Variants in DCC observed in about 807,000 individuals in gnomAD.
The protein encoded by DCC is DCC netrin 1 receptor.
Under a neutral mutation model 172.5 loss-of-function variants are expected in DCC, and 58 were observed. The observed-to-expected ratio is 0.34, with a 90% CI of 0.27 to 0.42. The LOEUF (loss-of-function observed/expected upper bound fraction) is 0.42, where lower values mean the gene tolerates loss of function less well. Among genes scored for constraint, DCC ranks in the 10% least tolerant of loss-of-function variants. The pLI, the probability that DCC is intolerant of heterozygous loss-of-function variation, is 1.00. For missense variants in DCC, 1,740 were observed against 1,791.0 expected, an observed-to-expected ratio of 0.97 and a Z score of 0.51; for synonymous variants, 709 against 644.5, an observed-to-expected ratio of 1.10 and a Z score of -1.52.
intron 12 of DCC, among the ~76,000 whole-genome samples, chr18:53,300,981 C>CTTTCTTTCTTTCTTTCTTTA (rs1555649230): frequency 7.0e-6 from 1 of 143,190 alleles, no homozygotes; most frequent in Non-Finnish European, 1.5e-5. Flanking sequence ...TTCTTTCTTT[C>CTTTCTTTCTTTCTTTCTTTA]TTTCTTTCTT....
intron 1 of DCC, among the ~76,000 whole-genome samples, chr18:52,457,919 A>G (rs1046995820): frequency 2.0e-4 from 31 of 151,266 alleles, no homozygotes; most frequent in African/African-American, 4.3e-4. Context: ...AAGCAAACAA[A>G]CAAACAAACA....
intron 17 of DCC, among the ~76,000 whole-genome samples, chr18:53,393,868 A>AC (rs1908734945): frequency 6.7e-6 from 1 of 148,588 alleles, no homozygotes; most frequent in Non-Finnish European, 1.5e-5. Flanking sequence ...ATCCTCCCTG[A>AC]CAGAAGGCTT....
At position 52,551,727 on chromosome 18, in the gene DCC, T is replaced by TACACAC. The variant is rs74178673; in HGVS notation, c.92-200290_92-200285dup. On this transcript the variant is annotated intron_variant, in intron 1 of 28. Transcript: ENST00000442544. ...CCCTTTATCACCCCTTACTCTCCTC[T>TACACAC]ACACACACACACACACACACACACA... is the stretch of plus-strand genomic sequence containing the variant. Among the ~76,000 whole-genome samples, 133 of 126,342 alleles carry TACACAC rather than the reference T, an allele frequency of 1.1e-3. 1 individual carries two copies. The highest frequency in any genetic ancestry group is 4.0e-3 in the Middle Eastern group (1 of 248). The allele number at this position is 126,342 out of a possible 152,430, so 82.9% of individuals were successfully genotyped here.
At chr18:52,903,535 T>A (rs1321690896) in intron 2 of DCC, among the ~76,000 whole-genome samples, 1 of 152,240 alleles carries the variant, frequency 6.6e-6, no homozygotes, top group Non-Finnish European at 1.5e-5. Context: ...TTATCCAATG[T>A]GTATGACTTC....
At chr18:53,010,147 C>T (rs2143874906) in intron 5 of DCC, among the ~76,000 whole-genome samples, 1 of 151,988 alleles carries the variant, frequency 6.6e-6, no homozygotes, top group African/African-American at 2.4e-5. Context: ...TTATTTCATG[C>T]CATGATCTGT....
intron 12 of DCC, among the ~76,000 whole-genome samples, chr18:53,261,305 G>T (rs1392150498): frequency 6.6e-6 from 1 of 152,196 alleles, no homozygotes; most frequent in African/African-American, 2.4e-5. Flanking sequence ...CACACTGGGA[G>T]CTGTAGACTG....
chr18:52,692,249 A>T (rs1389841898), intron 1 of DCC, among the ~76,000 whole-genome samples: 4 of 152,168 alleles, frequency 2.6e-5, no homozygotes, highest in African/African-American at 9.6e-5. Flanking sequence ...AAATGGAAAC[A>T]AAAGGATCTT....
At chr18:52,371,701 A>T (rs1448936293) in intron 1 of DCC, among the ~76,000 whole-genome samples, 1 of 152,208 alleles carries the variant, frequency 6.6e-6, no homozygotes, top group African/African-American at 2.4e-5. Context: ...ATCATGAAAA[A>T]ATAGAATTGG....
At chr18:52,836,588 A>G (rs2038708973) in intron 2 of DCC, among the ~76,000 whole-genome samples, 1 of 152,204 alleles carries the variant, frequency 6.6e-6, no homozygotes, top group East Asian at 1.9e-4. Context: ...TTCCAGAATG[A>G]TCTCCTTTGA....
chr18:53,189,478 C>T (rs1296326775), intron 9 of DCC, among the ~76,000 whole-genome samples: 1 of 151,486 alleles, frequency 6.6e-6, no homozygotes, highest in Non-Finnish European at 1.5e-5. Flanking sequence ...GTACATATAG[C>T]ATATATGTAT....
intron 1 of DCC, among the ~76,000 whole-genome samples, chr18:52,549,036 T>G (rs570977009): frequency 1.1e-4 from 16 of 152,130 alleles, no homozygotes; most frequent in South Asian, 2.1e-4. Flanking sequence ...TACTGAAAAG[T>G]GATTAGAGGA....
chr18:52,791,863 T>C (rs2037777707), intron 2 of DCC, among the ~76,000 whole-genome samples: 1 of 152,120 alleles, frequency 6.6e-6, no homozygotes, highest in Non-Finnish European at 1.5e-5. Flanking sequence ...CTATTCTAAA[T>C]GGAAGCAGAA....
chr18:52,841,531 C>T (rs995992723), intron 2 of DCC, among the ~76,000 whole-genome samples: 1 of 152,082 alleles, frequency 6.6e-6, no homozygotes, highest in African/African-American at 2.4e-5. Context: ...AAAGGAATTG[C>T]CATCTGCTGA....
At chr18:53,178,145 A>C (rs1242601067) in intron 8 of DCC, among the ~76,000 whole-genome samples, 3 of 152,186 alleles carry the variant, frequency 2.0e-5, no homozygotes, top group South Asian at 4.1e-4. Context: ...GAGGATATCT[A>C]GAATGTTCAG....
intron 27 of DCC, among the ~76,000 whole-genome samples, chr18:53,519,283 A>G (rs574744243): frequency 5.5e-4 from 84 of 152,138 alleles, no homozygotes; most frequent in Non-Finnish European, 9.9e-4. Context: ...CTTCCTCAGT[A>G]TCTGGAATAT....
chr18:53,065,545 T>C (rs1000481596), intron 6 of DCC, among the ~76,000 whole-genome samples: 1 of 152,164 alleles, frequency 6.6e-6, no homozygotes, highest in Admixed American at 6.6e-5. Context: ...ATCACAATAT[T>C]TAAAGAATTT....
chr18:53,247,453 A>G (rs745744901), intron 12 of DCC, among the ~76,000 whole-genome samples: 16 of 152,064 alleles, frequency 1.1e-4, no homozygotes, highest in Non-Finnish European at 1.8e-4. Context: ...ACAAACCGAC[A>G]TTAAACTCCT....
At chr18:53,196,651 T>C (rs1191899990) in intron 9 of DCC, among the ~76,000 whole-genome samples, 1 of 152,292 alleles carries the variant, frequency 6.6e-6, no homozygotes, top group Middle Eastern at 3.4e-3. Context: ...AAAGGTAATA[T>C]ATAGATTACA....
At chr18:53,099,802 A>T (rs1041181925) in intron 7 of DCC, among the ~76,000 whole-genome samples, 1 of 152,080 alleles carries the variant, frequency 6.6e-6, no homozygotes, top group Non-Finnish European at 1.5e-5. Context: ...TTATATTGTA[A>T]TGAGAGTTGT....
Sources: allele counts gnomAD v4.1 joint callset (sites outside exome capture counted in the v4.1 genomes callset), GRCh38; gene constraint gnomAD v4.1.1; transcripts MANE v1.5; gene names NCBI Gene and HGNC (gene_info 2026-07-23, HGNC 2026-07-21).